ASCC3: variants seen among roughly 807,000 people sequenced by gnomAD.
The protein encoded by ASCC3 is ASC-1 complex subunit P200.
A neutral mutation model predicts 256.3 loss-of-function variants in ASCC3; 158 were observed. That is an observed-to-expected ratio of 0.62 (90% CI 0.54 to 0.70). ASCC3 has a LOEUF of 0.70. Ranked by LOEUF, ASCC3 falls within the 30% of genes least tolerant of loss-of-function variation. ASCC3 has a pLI of 0.00. For missense variants in ASCC3, 2,259 were observed against 2,626.0 expected (o/e 0.86, Z 3.05); for synonymous variants, 948 against 883.4 (o/e 1.07, Z -1.30).
chr6:100,577,582 A>G (rs1261164603), intron 36 of ASCC3, among the ~76,000 whole-genome samples: 1 of 152,046 alleles, frequency 6.6e-6, no homozygotes, highest in Non-Finnish European at 1.5e-5. Context: ...TTGTTTTTAG[A>G]TATTCTTTTT....
chr6:100,638,600 C>T lies in ASCC3; in HGVS notation c.4122+1G>A, dbSNP rs1450233251. The T allele has an allele frequency of 4.4e-6, 7 of 1,599,964 alleles. No homozygotes were observed. Among genetic ancestry groups the T allele is most frequent in the Non-Finnish European group, 6.0e-6 (7 of 1,167,538 alleles). On this transcript the variant is annotated splice_donor_variant, in intron 25 of 41. Coordinates refer to ENST00000369162, the MANE Select transcript of ASCC3 (RefSeq NM_006828.4). LOFTEE classifies it high-confidence loss of function. Reference sequence around the variant, plus strand: ...ATGTAAGTATGATTCTTTCAACAGACCTTTGAAGTAGGGTATTTGTTGAAG... The same window carrying T: ...ATGTAAGTATGATTCTTTCAACAGATCTTTGAAGTAGGGTATTTGTTGAAG...
chr6:100,611,597 A>C (rs1025137828), intron 30 of ASCC3, among the ~76,000 whole-genome samples: 3 of 152,052 alleles, frequency 2.0e-5, no homozygotes, highest in African/African-American at 7.2e-5. Flanking sequence ...AAAGTAATAT[A>C]GTCCTAATAT....
chr6:100,651,734 A>C, intron 18 of ASCC3, 88 bp from the exon 19 acceptor site: 1 of 659,252 alleles, frequency 1.5e-6, no homozygotes, highest in South Asian at 2.8e-5. Flanking sequence ...CACATTTTAA[A>C]AGAAATTTGA....
intron 36 of ASCC3, among the ~76,000 whole-genome samples, chr6:100,569,868 T>C (rs1026335304): frequency 6.6e-5 from 10 of 152,204 alleles, no homozygotes; most frequent in Admixed American, 6.5e-4. Context: ...TAGATTGCTT[T>C]GGGTCATATG....
At chr6:100,640,109 T>C (rs1582615669) in intron 24 of ASCC3, among the ~76,000 whole-genome samples, 2 of 152,030 alleles carry the variant, frequency 1.3e-5, no homozygotes, top group East Asian at 3.9e-4. Flanking sequence ...AGTGAAACTC[T>C]GTCTCACAAA....
intron 36 of ASCC3, among the ~76,000 whole-genome samples, chr6:100,558,338 T>C (rs1769730828): frequency 6.6e-6 from 1 of 152,124 alleles, no homozygotes; most frequent in South Asian, 2.1e-4. Context: ...AAGAAATGGG[T>C]GACCCTCAAA....
chr6:100,646,376 C>A (rs1775380107), intron 22 of ASCC3, among the ~76,000 whole-genome samples: 1 of 152,078 alleles, frequency 6.6e-6, no homozygotes, highest in Non-Finnish European at 1.5e-5. Flanking sequence ...GTGGCACAGT[C>A]TTGGCTCACT....
In ASCC3 at chr6:100,671,175, C is replaced by T. The variant is rs572138818; in HGVS notation, c.2286+8443G>A. Reference sequence around the variant, plus strand: ...CTTTCCTCAAAAGAAATGTAAGAAGCTTTTTAAAAGAAGTTTTATTTGGAG... The same window carrying T: ...CTTTCCTCAAAAGAAATGTAAGAAGTTTTTTAAAAGAAGTTTTATTTGGAG... On this transcript the variant is annotated intron_variant, in intron 14 of 41. Transcript: ENST00000369162. Among the ~76,000 whole-genome samples, 15 of 152,044 alleles carry T rather than the reference C, an allele frequency of 9.9e-5. No individual in the cohort carries two copies. The East Asian group carries it at 2.9e-3, about 29-fold the overall frequency.
intron 20 of ASCC3, 34 bp from the exon 21 acceptor site, chr6:100,647,485 C>A (rs765296291): frequency 1.9e-6 from 3 of 1,552,718 alleles, no homozygotes; most frequent in Non-Finnish European, 1.8e-6. Flanking sequence ...GGTGGTTATA[C>A]CCAATGTGCT....
At chr6:100,530,593 C>A in intron 37 of ASCC3, 1 of 791,172 alleles carries the variant, frequency 1.3e-6, no homozygotes, top group Admixed American at 1.7e-5. Flanking sequence ...TTGATTATTG[C>A]ATGGATGTTC....
intron 36 of ASCC3, among the ~76,000 whole-genome samples, chr6:100,555,289 T>C (rs1279824417): frequency 6.6e-6 from 1 of 152,224 alleles, no homozygotes; most frequent in Non-Finnish European, 1.5e-5. Flanking sequence ...CTAATGTCTA[T>C]CATTGTAATT....
At chr6:100,674,281 GA>G (rs1776898323) in intron 14 of ASCC3, among the ~76,000 whole-genome samples, 1 of 151,398 alleles carries the variant, frequency 6.6e-6, no homozygotes, top group African/African-American at 2.4e-5. Flanking sequence ...AATTTTTTAA[GA>G]AATTTTTTTT....
chr6:100,696,002 G>A (rs1778065472), intron 13 of ASCC3, among the ~76,000 whole-genome samples: 1 of 152,128 alleles, frequency 6.6e-6, no homozygotes, highest in Non-Finnish European at 1.5e-5. Context: ...ACAGGTCTCT[G>A]ACTGTATTTC....
At chr6:100,608,024 A>G (rs1254930422) in intron 30 of ASCC3, among the ~76,000 whole-genome samples, 1 of 127,780 alleles carries the variant, frequency 7.8e-6, no homozygotes, top group African/African-American at 2.9e-5. Context: ...AAATATGTAT[A>G]TATATATTTA....
Position 100,608,197 on chromosome 6 carries a change from C to CATA in ASCC3, c.4786-1110_4786-1109insTAT, listed in dbSNP as rs1478478922. On this transcript the variant is annotated intron_variant, in intron 30 of 41. Transcript: ENST00000369162. ...TTATATATGTGTGTGTATATATATA[C>CATA]TTTATATATATACTTTATATATATA... Among the ~76,000 whole-genome samples, 41 of 40,542 alleles carry CATA rather than the reference C, an allele frequency of 1.0e-3. 3 individuals carry two copies. The highest frequency in any genetic ancestry group is 2.4e-3 in the African/African-American group (29 of 12,090). 26.6% of individuals were successfully genotyped at this position (40,542 alleles called of 152,430 possible). A position where few individuals can be genotyped will look rare whatever the true frequency, so the allele number is the denominator to read the frequency against.
chr6:100,669,086 TAAATA>T (rs900523140), intron 14 of ASCC3, among the ~76,000 whole-genome samples: 2 of 151,238 alleles, frequency 1.3e-5, no homozygotes, highest in East Asian at 1.9e-4. Context: ...TAAAATATAC[TAAATA>T]AAATAAAAGA....
intron 13 of ASCC3, among the ~76,000 whole-genome samples, chr6:100,683,617 T>C (rs1562223863): frequency 6.6e-6 from 1 of 152,150 alleles, no homozygotes; most frequent in East Asian, 1.9e-4. Flanking sequence ...CATTGTTTCA[T>C]TTGACAGAAA....
chr6:100,785,387 T>A (rs759291798), intron 8 of ASCC3, among the ~76,000 whole-genome samples: 2 of 152,256 alleles, frequency 1.3e-5, no homozygotes, highest in Non-Finnish European at 2.9e-5. Flanking sequence ...ATTTACACCA[T>A]CCATTCACTC....
intron 4 of ASCC3, among the ~76,000 whole-genome samples, chr6:100,832,216 C>T (rs971980775): frequency 9.9e-5 from 15 of 151,934 alleles, no homozygotes; most frequent in East Asian, 3.9e-4. Context: ...TCAGAAAGAA[C>T]GCTTATAAAG....
Sources: allele counts gnomAD v4.1 joint callset (sites outside exome capture counted in the v4.1 genomes callset), GRCh38; gene constraint gnomAD v4.1.1; transcripts MANE v1.5; gene names NCBI Gene and HGNC (gene_info 2026-07-23, HGNC 2026-07-21).